Variants in NFIB observed in about 807,000 individuals in gnomAD.
NFIB encodes nuclear factor 1 B-type.
Under a neutral mutation model 61.5 loss-of-function variants are expected in NFIB, and 11 were observed. The ratio of observed to expected loss-of-function variants is 0.18; its 90% CI spans 0.11 to 0.30. The LOEUF (loss-of-function observed/expected upper bound fraction) is 0.30. Ranked by LOEUF, NFIB falls within the 10% of genes least tolerant of loss-of-function variation. The probability of loss-of-function intolerance (pLI) is 1.00; values close to 1 mark genes in which losing one functional copy is unlikely to be tolerated. For missense variants in NFIB, 471 were observed against 608.9 expected (o/e 0.77, Z 2.38); for synonymous variants, 260 against 216.5 (o/e 1.20, Z -1.76).
chr9:14,211,213 T>C (rs575335439), intron 2 of NFIB, among the ~76,000 whole-genome samples: 35 of 152,312 alleles, frequency 2.3e-4, no homozygotes, highest in Admixed American at 7.2e-4. Context: ...AGTTTTTCTG[T>C]GTGATTAACA....
At chr9:14,480,940 T>A in the NFIB span, among the ~76,000 whole-genome samples, 9 of 151,792 alleles carry the variant, frequency 5.9e-5, no homozygotes, top group Admixed American at 5.9e-4. Context: ...GCTTTAAAAT[T>A]AAGTTCTAAA....
At chr9:14,238,322 G>C (rs929086491) in intron 2 of NFIB, among the ~76,000 whole-genome samples, 1 of 152,094 alleles carries the variant, frequency 6.6e-6, no homozygotes, top group African/African-American at 2.4e-5. Context: ...ACAGCACCTG[G>C]AAGTCACCAC....
At chr9:14,398,473 T>G in intron 1 of NFIB, 1 of 1,307,062 alleles carries the variant, frequency 7.7e-7, no homozygotes, top group Non-Finnish European at 1.1e-6. Context: ...TCTAAGAAGT[T>G]GGGACCTATT....
intron 6 of NFIB, among the ~76,000 whole-genome samples, chr9:14,135,333 A>C (rs928322927): frequency 6.6e-6 from 1 of 152,244 alleles, no homozygotes; most frequent in African/African-American, 2.4e-5. Context: ...TGCAAGAAGG[A>C]AAGCTTCATA....
the NFIB span, among the ~76,000 whole-genome samples, chr9:14,438,055 C>T: frequency 2.0e-5 from 3 of 149,114 alleles, no homozygotes; most frequent in African/African-American, 5.0e-5. Flanking sequence ...CGTGTGCACG[C>T]ATGTGTGTGT....
intron 1 of NFIB, chr9:14,362,782 C>G (rs2061255122): frequency 6.6e-6 from 1 of 152,050 alleles, no homozygotes; most frequent in Non-Finnish European, 1.5e-5. Context: ...GCAGTCCCCG[C>G]TACTTGGGAA....
chr9:14,283,136 A>C (rs7025098), intron 2 of NFIB, among the ~76,000 whole-genome samples: 8,315 of 152,262 alleles, frequency 0.055, 657 homozygotes, highest in African/African-American at 0.17. Context: ...ACATTTAGCA[A>C]ACATTTTAGT....
chr9:14,323,857 A>C (rs770675717), intron 1 of NFIB, among the ~76,000 whole-genome samples: 1 of 152,250 alleles, frequency 6.6e-6, no homozygotes. Context: ...CACATCATAC[A>C]TACGTTTGGC....
chr9:14,153,061 T>C (rs1025052956), intron 4 of NFIB, among the ~76,000 whole-genome samples: 2 of 152,258 alleles, frequency 1.3e-5, no homozygotes, highest in Admixed American at 1.3e-4. Flanking sequence ...ATGATAAATG[T>C]TTGAGATGAC....
intron 2 of NFIB, among the ~76,000 whole-genome samples, chr9:14,185,024 G>C (rs1193345117): frequency 6.6e-6 from 1 of 152,054 alleles, no homozygotes; most frequent in Admixed American, 6.6e-5. Flanking sequence ...CACAGTAGGT[G>C]CTCTGTAATG....
intron 2 of NFIB, among the ~76,000 whole-genome samples, chr9:14,205,608 G>A (rs2049600766): frequency 6.6e-6 from 1 of 152,022 alleles, no homozygotes; most frequent in Non-Finnish European, 1.5e-5. Context: ...ATTAGGCCTG[G>A]TGTACTCCTG....
chr9:14,195,831 A>G (rs1387971264), intron 2 of NFIB, among the ~76,000 whole-genome samples: 1 of 152,218 alleles, frequency 6.6e-6, no homozygotes, highest in Non-Finnish European at 1.5e-5. Flanking sequence ...ACATAGACAA[A>G]GGAATCTAGT....
At chr9:14,304,015 A>C (rs1188875828) in intron 2 of NFIB, among the ~76,000 whole-genome samples, 1 of 152,262 alleles carries the variant, frequency 6.6e-6, no homozygotes, top group Non-Finnish European at 1.5e-5. Context: ...ACCAGACTAC[A>C]TGCATAGTAG....
At chr9:14,192,477 T>C (rs76409717) in intron 2 of NFIB, among the ~76,000 whole-genome samples, 3 of 152,082 alleles carry the variant, frequency 2.0e-5, no homozygotes, top group Non-Finnish European at 4.4e-5. Context: ...CTCAGATCCA[T>C]CCTGAACTCT....
At chr9:14,371,548 T>G (rs73419637) in intron 1 of NFIB, among the ~76,000 whole-genome samples, 2,043 of 152,264 alleles carry the variant, frequency 0.013, 53 homozygotes, top group African/African-American at 0.046. Context: ...ATAAAAAAGG[T>G]TGCAAATTGG....
the NFIB span, among the ~76,000 whole-genome samples, chr9:14,476,794 A>G: frequency 6.6e-6 from 1 of 152,198 alleles, no homozygotes; most frequent in African/African-American, 2.4e-5. Context: ...AATCTCTTCA[A>G]TTGTTGAAAG....
Position 14,307,595 on chromosome 9 carries a change from A to G in NFIB, c.31-75T>C, listed in dbSNP as rs1476611484. The G allele has an allele frequency of 1.4e-6, 2 of 1,403,930 alleles. No individual in the cohort carries two copies. Among genetic ancestry groups the G allele is most frequent in the African/African-American group, 2.9e-5 (2 of 69,858 alleles). The allele number at this position is 1,403,930 out of a possible 1,614,324, so 87.0% of individuals were successfully genotyped here. A position where few individuals can be genotyped will look rare whatever the true frequency, so the allele number is the denominator to read the frequency against. On this transcript the variant is annotated intron_variant, in intron 1 of 10. Transcript: ENST00000380953. This position sits in a 1 kb window ranked among gnomAD's most constrained non-coding sequence, Gnocchi z 5.3. ...TTAAAAGCTCAAAAAATAAGAAAAGAAGACCACAACCCGTTTCCAATTCAG... is the reference window on the plus strand; with the variant it reads ...TTAAAAGCTCAAAAAATAAGAAAAGGAGACCACAACCCGTTTCCAATTCAG...
intron 1 of NFIB, among the ~76,000 whole-genome samples, chr9:14,372,553 C>G (rs2061369774): frequency 6.6e-6 from 1 of 151,810 alleles, no homozygotes; most frequent in African/African-American, 2.4e-5. Flanking sequence ...AATTAATGAC[C>G]AAAAGCTAGC....
chr9:14,431,919 G>C, the NFIB span, among the ~76,000 whole-genome samples: 1 of 152,118 alleles, frequency 6.6e-6, no homozygotes, highest in African/African-American at 2.4e-5. Context: ...CAGTAAATTT[G>C]TTAGTAGTTT....
Sources: allele counts gnomAD v4.1 joint callset (sites outside exome capture counted in the v4.1 genomes callset), GRCh38; gene constraint gnomAD v4.1.1; non-coding constraint Gnocchi (gnomAD v3.1); transcripts MANE v1.5; gene names NCBI Gene and HGNC (gene_info 2026-07-23, HGNC 2026-07-21).